The following MYH16 variants were observed in gnomAD, a reference collection of about 807,000 sequenced individuals.
The protein encoded by MYH16 is myosin heavy chain 16.
chr7:99,288,488 G>A (rs1222424514), intron 29 of MYH16, among the ~76,000 whole-genome samples: 2 of 149,888 alleles, frequency 1.3e-5, no homozygotes, highest in Non-Finnish European at 3.0e-5. Context: ...AGTGGCTTAC[G>A]CCTGTAATCC....
exon 36 of MYH16, chr7:99,297,977 A>G (rs1792527882): frequency 2.2e-6 from 1 of 456,566 alleles, no homozygotes; most frequent in Admixed American, 2.4e-5. Context: ...GAGAAAGAAG[A>G]AGAATTTGAG....
At chr7:99,275,488 C>A (rs900325679) in intron 20 of MYH16, among the ~76,000 whole-genome samples, 1 of 152,144 alleles carries the variant, frequency 6.6e-6, no homozygotes, top group Non-Finnish European at 1.5e-5. Context: ...CAAATGTTAC[C>A]CACAAAATTG....
At chr7:99,264,727 C>T (rs1791970855) in intron 15 of MYH16, among the ~76,000 whole-genome samples, 1 of 152,054 alleles carries the variant, frequency 6.6e-6, no homozygotes, top group Non-Finnish European at 1.5e-5. Context: ...TGGAGATATC[C>T]AAGCAGAGGA....
intron 4 of MYH16, among the ~76,000 whole-genome samples, chr7:99,249,694 T>C (rs548201830): frequency 7.2e-4 from 109 of 150,656 alleles, no homozygotes; most frequent in Non-Finnish European, 1.3e-3. Flanking sequence ...TAGCTGGGAT[T>C]ACAGGCACAT....
chr7:99,256,275 CAAAAAAAAAA>C (rs55894638), intron 9 of MYH16, among the ~76,000 whole-genome samples: 5 of 71,020 alleles, frequency 7.0e-5, no homozygotes, highest in Non-Finnish European at 1.3e-4. Flanking sequence ...CCCGTCTCTG[CAAAAAAAAAA>C]AAAAAAAAAA....
At chr7:99,308,398 T>C, downstream of MYH16, among the ~76,000 whole-genome samples, 1 of 146,950 alleles carries the variant, frequency 6.8e-6, no homozygotes. Flanking sequence ...GAACCCATCA[T>C]CCCTGGGAGT....
intron 27 of MYH16, among the ~76,000 whole-genome samples, chr7:99,285,889 G>A (rs916133976): frequency 1.3e-5 from 2 of 152,238 alleles, no homozygotes; most frequent in Admixed American, 1.3e-4. Flanking sequence ...GAAAGCTGGT[G>A]GGAGACAAAT....
chr7:99,282,829 C>CAAAAA (rs59018303), intron 23 of MYH16, among the ~76,000 whole-genome samples: 1 of 140,348 alleles, frequency 7.1e-6, no homozygotes, highest in African/African-American at 2.5e-5. Context: ...GATCCTATCT[C>CAAAAA]AAAAAAAAAA....
At chr7:99,291,684 C>T (rs1038772999) in intron 31 of MYH16, among the ~76,000 whole-genome samples, 2 of 139,216 alleles carry the variant, frequency 1.4e-5, no homozygotes, top group South Asian at 2.3e-4. Flanking sequence ...AGCTGCTGGG[C>T]ATGGTGGCTC....
chr7:99,288,536 GGT>G (rs2150825692), intron 29 of MYH16, among the ~76,000 whole-genome samples: 2 of 150,866 alleles, frequency 1.3e-5, no homozygotes, highest in South Asian at 2.1e-4. Context: ...GATCACCTGA[GGT>G]CACAAGTTCA....
At chr7:99,253,905 G>A (rs1228168068) in intron 8 of MYH16, 2 of 153,386 alleles carry the variant, frequency 1.3e-5, no homozygotes, top group Non-Finnish European at 2.9e-5. Flanking sequence ...CCATGTGCAA[G>A]GAGTCTCATG....
intron 26 of MYH16, 72 bp downstream of exon 8, chr7:99,285,007 C>A (rs541486896): frequency 4.9e-5 from 22 of 450,986 alleles, no homozygotes; most frequent in Admixed American, 2.6e-4. Flanking sequence ...TTCATGTCAG[C>A]TACTTGGTGG....
intron 34 of MYH16, among the ~76,000 whole-genome samples, chr7:99,297,122 A>C (rs537371444): frequency 6.6e-6 from 1 of 152,262 alleles, no homozygotes; most frequent in East Asian, 1.9e-4. Context: ...TCTGTGCCTC[A>C]CTTTCCTCAT....
chr7:99,279,645 G>A (rs903452407), exon 22 of MYH16: 23 of 456,498 alleles, frequency 5.0e-5, no homozygotes, highest in Non-Finnish European at 8.4e-5. Context: ...ACTGAGTGCC[G>A]CCAAGCGCAA....
intron 9 of MYH16, among the ~76,000 whole-genome samples, chr7:99,256,275 CAAAAAAAAAAA>C (rs55894638): frequency 1.4e-5 from 1 of 71,036 alleles, no homozygotes; most frequent in Non-Finnish European, 2.7e-5. Flanking sequence ...CCCGTCTCTG[CAAAAAAAAAAA>C]AAAAAAAAAA....
chr7:99,267,241 C>G (rs763141838), intron 18 of MYH16, among the ~76,000 whole-genome samples: 1 of 152,156 alleles, frequency 6.6e-6, no homozygotes, highest in Non-Finnish European at 1.5e-5. Context: ...TAGAACCCTA[C>G]GTTTTGTTTT....
chr7:99,274,209 A>G (rs991419508), intron 20 of MYH16, among the ~76,000 whole-genome samples: 2 of 152,366 alleles, frequency 1.3e-5, no homozygotes, highest in Middle Eastern at 3.4e-3. Flanking sequence ...GGTCCCAAGC[A>G]GCCAGGCCAC....
At chr7:99,244,843 C>G (rs1259308042) in intron 2 of MYH16, among the ~76,000 whole-genome samples, 1 of 152,218 alleles carries the variant, frequency 6.6e-6, no homozygotes, top group Non-Finnish European at 1.5e-5. Flanking sequence ...CAGGGCTTAC[C>G]TGGGGCTGCT....
At chr7:99,295,085 G>C (rs1272043596) in intron 33 of MYH16, among the ~76,000 whole-genome samples, 1 of 151,914 alleles carries the variant, frequency 6.6e-6, no homozygotes, top group Non-Finnish European at 1.5e-5. Context: ...GCCCCTGAAA[G>C]TTACATAATA....
Sources: gnomAD v4.1 joint callset for allele counts (sites outside exome capture counted in the v4.1 genomes callset) on GRCh38, gnomAD v4.1.1 for gene constraint, MANE v1.5 for transcripts, NCBI Gene and HGNC (gene_info 2026-07-23, HGNC 2026-07-21) for gene names.